Variants in MBNL1 observed in about 807,000 individuals in gnomAD.
MBNL1 encodes muscleblind like splicing regulator 1, also known as muscleblind-like protein 1.
A neutral mutation model predicts 42.2 loss-of-function variants in MBNL1; 8 were observed. That is an observed-to-expected ratio of 0.19 (90% CI 0.11 to 0.34). The LOEUF (loss-of-function observed/expected upper bound fraction) is 0.34, where lower values mean the gene tolerates loss of function less well. Among genes scored for constraint, MBNL1 ranks in the 10% least tolerant of loss-of-function variants. MBNL1 has a pLI of 1.00. For synonymous variants in MBNL1, 169 were observed against 173.9 expected, an observed-to-expected ratio of 0.97 and a Z score of 0.22; for missense variants, 309 against 495.3, an observed-to-expected ratio of 0.62 and a Z score of 3.57.
At chr3:152,431,225 A>G (rs995954569) in intron 3 of MBNL1, among the ~76,000 whole-genome samples, 1 of 152,162 alleles carries the variant, frequency 6.6e-6, no homozygotes, top group Non-Finnish European at 1.5e-5. Context: ...CCTGGCGTCC[A>G]TCCATTGAAT....
intron 4 of MBNL1, among the ~76,000 whole-genome samples, chr3:152,439,067 T>C (rs2153810687): frequency 6.6e-6 from 1 of 152,352 alleles, no homozygotes; most frequent in South Asian, 2.1e-4. Flanking sequence ...TGGTTTCTGA[T>C]AGTTTCAGTT....
chr3:152,413,467 C>G (rs2098636284), intron 2 of MBNL1, among the ~76,000 whole-genome samples: 1 of 152,190 alleles, frequency 6.6e-6, no homozygotes, highest in South Asian at 2.1e-4. Context: ...TGTAAGGTCT[C>G]TGCTATCCAC....
At position 152,440,137 on chromosome 3, in the gene MBNL1, G is replaced by T. The variant is rs2099127277; in HGVS notation, c.550-5145G>T. 3.3e-5 allele frequency among the ~76,000 whole-genome samples: 5 copies of T among 152,138 alleles called. No homozygotes were observed. The South Asian group carries it at 1.0e-3, about 31-fold the overall frequency. On this transcript the variant is annotated intron_variant, in intron 4 of 9. Transcript: ENST00000324210. ...TTTTCTGGCCTGAATAGTAATGATG[G>T]AGTCTGCCTTTTAGGCTTCAAAGAA... is the stretch of plus-strand genomic sequence containing the variant.
chr3:152,283,985 T>C (rs941610618), intron 1 of MBNL1, among the ~76,000 whole-genome samples: 35 of 152,334 alleles, frequency 2.3e-4, no homozygotes, highest in Middle Eastern at 3.4e-3. Context: ...CTTCCTTTTT[T>C]ATATATAGTT....
chr3:152,374,311 G>C (rs959912437), intron 2 of MBNL1, among the ~76,000 whole-genome samples: 1 of 152,118 alleles, frequency 6.6e-6, no homozygotes, highest in Non-Finnish European at 1.5e-5. Context: ...ATGGAGAAGG[G>C]TCATTTTCAT....
At chr3:152,356,253 G>A (rs771758558) in intron 2 of MBNL1, among the ~76,000 whole-genome samples, 3 of 134,772 alleles carry the variant, frequency 2.2e-5, no homozygotes, top group East Asian at 2.6e-4. Flanking sequence ...AAAAGCACCC[G>A]AAAAACTTAT....
chr3:152,273,064 C>G (rs1316830769), intron 1 of MBNL1, among the ~76,000 whole-genome samples: 1 of 152,092 alleles, frequency 6.6e-6, no homozygotes, highest in African/African-American at 2.4e-5. Context: ...TTGAGTCTGT[C>G]TTCCACTAGA....
chr3:152,295,553 T>A (rs528290825), intron 1 of MBNL1, among the ~76,000 whole-genome samples: 2 of 152,290 alleles, frequency 1.3e-5, no homozygotes, highest in South Asian at 2.1e-4. Flanking sequence ...TCTGTTATGT[T>A]CCAAGAACTG....
intron 2 of MBNL1, among the ~76,000 whole-genome samples, chr3:152,395,758 T>C (rs548738221): frequency 6.6e-6 from 1 of 152,358 alleles, no homozygotes; most frequent in East Asian, 1.9e-4. Context: ...TAACCTCCCC[T>C]GAACAAAGCC....
At chr3:152,296,585 A>C (rs1400220441) in intron 1 of MBNL1, among the ~76,000 whole-genome samples, 1 of 152,190 alleles carries the variant, frequency 6.6e-6, no homozygotes, top group East Asian at 1.9e-4. Flanking sequence ...GCAATGAGAT[A>C]GGGAGCTGTC....
In MBNL1 at chr3:152,415,244, A is replaced by G. The variant is rs1001708901; in HGVS notation, c.345+133A>G. On this transcript the variant is annotated intron_variant, in intron 3 of 9. Transcript: ENST00000324210. ...AGTTGCCTTACCATTTTCTAGCAAA[A>G]TTAAGTATCAGTCAAATGCTGGAAC... 5.1e-6 allele frequency: 4 copies of G among 783,660 alleles called. No homozygotes were observed. The South Asian group carries it at 1.1e-4, about 22-fold the overall frequency. 48.5% of individuals were successfully genotyped at this position (783,660 alleles called of 1,614,324 possible).
rs533774724 is a variant in MBNL1 at position 152,456,341 on chromosome 3, G to A, written c.1072G>A (p.Ala358Thr). The A allele has an allele frequency of 1.4e-5, 22 of 1,613,916 alleles. No individual in the cohort carries two copies. The East Asian group carries it at 2.0e-4, about 15-fold the overall frequency. The change falls in exon 8 of 10, where the codon GCA becomes ACA. Residue 358 changes from alanine (A) to threonine (T), a missense_variant. Physicochemically the swap from Ala to Thr is moderately conservative, Grantham distance 58. Coordinates refer to ENST00000324210, the MANE Select transcript of MBNL1 (RefSeq NM_021038.5). ...TTSATSVPFA[A>T]TATANQIPII... is the part of the protein sequence containing the mutation. ...ATCTGCCACAAGTGTTCCCTTCGCT[G>A]CAACAGCCACAGCCAACCAGGTTTG...
At position 152,248,613 on chromosome 3, in the gene MBNL1, T is replaced by A. The variant is rs115146568; in HGVS notation, n.333+4173T>A. 6.4e-3 allele frequency among the ~76,000 whole-genome samples: 970 copies of A among 152,040 alleles called. 10 individuals are homozygous for A. The highest frequency in any genetic ancestry group is 0.023 in the African/African-American group (944 of 41,512). ...TCTCTTATTTTTTTTTCAAATAAAATTTTTTAAAAAATTATTATTATACTT... is the reference window on the plus strand; with the variant it reads ...TCTCTTATTTTTTTTTCAAATAAAAATTTTTAAAAAATTATTATTATACTT... On this transcript the variant is annotated intron_variant and non_coding_transcript_variant, in intron 2 of 2. Transcript: ENST00000477171.
At chr3:152,366,729 G>A (rs566231644) in intron 2 of MBNL1, among the ~76,000 whole-genome samples, 1 of 152,306 alleles carries the variant, frequency 6.6e-6, no homozygotes, top group Non-Finnish European at 1.5e-5. Context: ...AGGAAAGTGA[G>A]TAAGCTTTTG....
At chr3:152,255,727 A>G (rs2035354373) in intron 2 of MBNL1, among the ~76,000 whole-genome samples, 1 of 152,160 alleles carries the variant, frequency 6.6e-6, no homozygotes, top group African/African-American at 2.4e-5. Context: ...CCAGCATAGT[A>G]AAAGGATAAA....
intron 2 of MBNL1, among the ~76,000 whole-genome samples, chr3:152,257,731 T>C (rs2035651097): frequency 6.6e-6 from 1 of 152,184 alleles, no homozygotes; most frequent in Non-Finnish European, 1.5e-5. Flanking sequence ...TCTCTTGACT[T>C]GTGTTCCTTA....
intron 3 of MBNL1, among the ~76,000 whole-genome samples, chr3:152,419,412 C>T (rs1580055106): frequency 1.3e-5 from 2 of 152,256 alleles, no homozygotes; most frequent in East Asian, 3.9e-4. Context: ...ACAGTTGGTG[C>T]AGCCCACAGA....
chr3:152,390,771 C>T (rs927288926), intron 2 of MBNL1, among the ~76,000 whole-genome samples: 3 of 152,036 alleles, frequency 2.0e-5, no homozygotes, highest in African/African-American at 7.2e-5. Flanking sequence ...TGTTAATGGA[C>T]TAGGATACTT....
At chr3:152,454,818 G>A (rs1730420890) in intron 6 of MBNL1, among the ~76,000 whole-genome samples, 1 of 152,186 alleles carries the variant, frequency 6.6e-6, no homozygotes, top group Admixed American at 6.5e-5. Flanking sequence ...TAGATACTGT[G>A]AAGTAAACCA....
Sources: gnomAD v4.1 joint callset for allele counts (sites outside exome capture counted in the v4.1 genomes callset) on GRCh38, gnomAD v4.1.1 for gene constraint, MANE v1.5 for transcripts, NCBI Gene and HGNC (gene_info 2026-07-23, HGNC 2026-07-21) for gene names.